Variants in LINGO2 observed in about 807,000 individuals in gnomAD.
LINGO2 encodes leucine rich repeat and Ig domain containing 2.
A neutral mutation model predicts 30.6 loss-of-function variants in LINGO2; 14 were observed. The observed-to-expected ratio is 0.46, with a 90% CI of 0.30 to 0.72. The LOEUF (loss-of-function observed/expected upper bound fraction) is 0.72. LINGO2 is among the 30% of genes least tolerant of loss of function. LINGO2 has a pLI of 0.07. For missense variants in LINGO2, 729 were observed against 751.7 expected (o/e 0.97, Z 0.35); for synonymous variants, 317 against 288.5 (o/e 1.10, Z -1.00).
At chr9:28,729,886 T>A in the LINGO2 span, among the ~76,000 whole-genome samples, 2 of 151,986 alleles carry the variant, frequency 1.3e-5, no homozygotes, top group Middle Eastern at 3.2e-3. Context: ...CACAAAAGTA[T>A]ACTTTTGTGA....
chr9:28,869,908 C>T, the LINGO2 span, among the ~76,000 whole-genome samples: 1 of 151,834 alleles, frequency 6.6e-6, no homozygotes, highest in Admixed American at 6.6e-5. Flanking sequence ...TCTTCCCTCC[C>T]CTTACATAAA....
chr9:28,632,679 TA>T (rs536721952), intron 1 of LINGO2, among the ~76,000 whole-genome samples: 2,437 of 121,588 alleles, frequency 0.02, 68 homozygotes, highest in Admixed American at 0.052. Context: ...AATATCTATA[TA>T]AAAATATATT....
chr9:29,045,599 C>G, the LINGO2 span, among the ~76,000 whole-genome samples: 1 of 150,850 alleles, frequency 6.6e-6, no homozygotes, highest in East Asian at 1.9e-4. Flanking sequence ...AAAAAAAACC[C>G]TCGAAAACTG....
At chr9:28,888,480 T>C in the LINGO2 span, among the ~76,000 whole-genome samples, 1 of 152,120 alleles carries the variant, frequency 6.6e-6, no homozygotes, top group East Asian at 1.9e-4. Context: ...AAACTCCTGA[T>C]TAGATACAAC....
chr9:28,255,132 C>G (rs1800463924), intron 4 of LINGO2, among the ~76,000 whole-genome samples: 1 of 152,054 alleles, frequency 6.6e-6, no homozygotes, highest in Non-Finnish European at 1.5e-5. Flanking sequence ...TGTACAGTCT[C>G]AAGGAAATTA....
chr9:28,644,268 A>C (rs1238040398), intron 1 of LINGO2, among the ~76,000 whole-genome samples: 1 of 152,118 alleles, frequency 6.6e-6, no homozygotes, highest in Non-Finnish European at 1.5e-5. Context: ...GCTGTTCACA[A>C]TAGCAAAGAT....
chr9:28,341,707 G>A (rs1368264890), intron 3 of LINGO2, among the ~76,000 whole-genome samples: 1 of 152,094 alleles, frequency 6.6e-6, no homozygotes, highest in African/African-American at 2.4e-5. Flanking sequence ...TAACCACTGT[G>A]AGAACCATAT....
At chr9:28,175,520 A>T (rs925463654) in intron 4 of LINGO2, among the ~76,000 whole-genome samples, 1 of 152,136 alleles carries the variant, frequency 6.6e-6, no homozygotes, top group African/African-American at 2.4e-5. Flanking sequence ...TCAATGAGAC[A>T]TTGCCAACTT....
chr9:28,667,763 A>AG (rs1828860177), intron 1 of LINGO2, among the ~76,000 whole-genome samples: 1 of 152,036 alleles, frequency 6.6e-6, no homozygotes, highest in Admixed American at 6.6e-5. Context: ...AAAAACAAAA[A>AG]CAAAACACAA....
chr9:28,845,147 C>T, the LINGO2 span, among the ~76,000 whole-genome samples: 1 of 151,888 alleles, frequency 6.6e-6, no homozygotes, highest in Non-Finnish European at 1.5e-5. Flanking sequence ...AGAGTGTAAT[C>T]ATTTACGGTA....
intron 1 of LINGO2, among the ~76,000 whole-genome samples, chr9:28,485,328 G>A (rs117618345): frequency 0.018 from 2,673 of 152,088 alleles, 37 homozygotes; most frequent in Non-Finnish European, 0.025. Flanking sequence ...ATGGCACTCC[G>A]GATGATACAA....
At chr9:28,433,949 C>CTCTCTCTCTCTCTA (rs1225323260) in intron 2 of LINGO2, among the ~76,000 whole-genome samples, 1 of 88,474 alleles carries the variant, frequency 1.1e-5, no homozygotes, top group Non-Finnish European at 2.3e-5. Flanking sequence ...CTCTCTCTCT[C>CTCTCTCTCTCTCTA]TATATATATA....
chr9:28,720,701 T>C, the LINGO2 span, among the ~76,000 whole-genome samples: 1 of 152,150 alleles, frequency 6.6e-6, no homozygotes, highest in African/African-American at 2.4e-5. Flanking sequence ...AATTGATATA[T>C]ATTTGTATCA....
chr9:27,969,731 CA>C (rs1180801934), intron 5 of LINGO2, among the ~76,000 whole-genome samples: 1 of 151,850 alleles, frequency 6.6e-6, no homozygotes, highest in Non-Finnish European at 1.5e-5. Flanking sequence ...CAAACACAAC[CA>C]AAAAAACCCT....
intron 1 of LINGO2, among the ~76,000 whole-genome samples, chr9:28,540,902 A>C (rs895294531): frequency 6.6e-6 from 1 of 152,224 alleles, no homozygotes; most frequent in Admixed American, 6.5e-5. Context: ...CAGAGTGTAC[A>C]TTAACTTTTG....
At chr9:29,068,468 A>T in the LINGO2 span, among the ~76,000 whole-genome samples, 1 of 151,866 alleles carries the variant, frequency 6.6e-6, no homozygotes, top group African/African-American at 2.4e-5. Flanking sequence ...AGATTGGTAC[A>T]GAAAGCTTTC....
chr9:28,903,503 T>C, the LINGO2 span, among the ~76,000 whole-genome samples: 1 of 152,140 alleles, frequency 6.6e-6, no homozygotes, highest in East Asian at 1.9e-4. Context: ...AGAGACAGGG[T>C]CTCCCTCTGT....
chr9:28,104,971 C>T (rs749046365), intron 4 of LINGO2, among the ~76,000 whole-genome samples: 10 of 152,064 alleles, frequency 6.6e-5, no homozygotes, highest in Non-Finnish European at 1.0e-4. Flanking sequence ...TAACAGATCA[C>T]GTTTCCATTT....
chr9:28,226,634 G>GAAAGAAA (rs1821160329), intron 4 of LINGO2, among the ~76,000 whole-genome samples: 4 of 83,140 alleles, frequency 4.8e-5, no homozygotes, highest in African/African-American at 1.0e-4. Flanking sequence ...AAGGAAAGAA[G>GAAAGAAA]GAAAGAAGGA....
Sources: gnomAD v4.1 joint callset for allele counts (sites outside exome capture counted in the v4.1 genomes callset) on GRCh38, gnomAD v4.1.1 for gene constraint, MANE v1.5 for transcripts, NCBI Gene and HGNC (gene_info 2026-07-23, HGNC 2026-07-21) for gene names.